Variants in BTBD9 observed in about 807,000 individuals in gnomAD.
The protein encoded by BTBD9 is BTB domain containing 9.
BTBD9 carries 49 observed loss-of-function variants against 64.3 expected under a neutral mutation model. That is an observed-to-expected ratio of 0.76 (90% CI 0.61 to 0.97). BTBD9 has a LOEUF of 0.97. Ranked by LOEUF, BTBD9 falls within the 50% of genes least tolerant of loss-of-function variation. The pLI is 0.00. For synonymous variants in BTBD9, 260 were observed against 274.7 expected, an observed-to-expected ratio of 0.95 and a Z score of 0.53; for missense variants, 598 against 762.1, an observed-to-expected ratio of 0.78 and a Z score of 2.53.
intron 6 of BTBD9, among the ~76,000 whole-genome samples, chr6:38,523,801 T>A (rs976788453): frequency 2.0e-4 from 31 of 152,214 alleles, no homozygotes; most frequent in Non-Finnish European, 3.2e-4. Context: ...TTATTATCTA[T>A]ATTTAACAGA....
intron 7 of BTBD9, among the ~76,000 whole-genome samples, chr6:38,301,794 G>A (rs992245914): frequency 1.3e-5 from 2 of 151,934 alleles, no homozygotes; most frequent in Non-Finnish European, 2.9e-5. Flanking sequence ...ATTTTGTTGA[G>A]CTTTTCAGAA....
chr6:38,626,693 T>C (rs999929834), intron 1 of BTBD9, among the ~76,000 whole-genome samples: 1 of 152,224 alleles, frequency 6.6e-6, no homozygotes, highest in Non-Finnish European at 1.5e-5. Flanking sequence ...AAGTTAGAAA[T>C]AGCGGGGCCT....
intron 6 of BTBD9, among the ~76,000 whole-genome samples, chr6:38,572,243 G>C (rs1481534663): frequency 6.6e-6 from 1 of 152,122 alleles, no homozygotes; most frequent in African/African-American, 2.4e-5. Context: ...ATCTTCTTCA[G>C]TGTTGTGGCC....
At chr6:38,259,299 G>T (rs887973267) in intron 8 of BTBD9, among the ~76,000 whole-genome samples, 12 of 152,116 alleles carry the variant, frequency 7.9e-5, no homozygotes, top group African/African-American at 2.4e-4. Context: ...ATTATAATCA[G>T]TGAAAATCCT....
intron 1 of BTBD9, among the ~76,000 whole-genome samples, chr6:38,603,386 T>G (rs1038928735): frequency 2.0e-5 from 3 of 152,236 alleles, no homozygotes; most frequent in Admixed American, 6.5e-5. Context: ...GGTTATTGCC[T>G]GCTTATTATT....
intron 8 of BTBD9, among the ~76,000 whole-genome samples, chr6:38,275,065 G>C (rs1468742839): frequency 6.6e-6 from 1 of 152,222 alleles, no homozygotes; most frequent in African/African-American, 2.4e-5. Flanking sequence ...AAAGAACAAA[G>C]TCGGAGGCAT....
intron 8 of BTBD9, among the ~76,000 whole-genome samples, chr6:38,258,282 G>C (rs944962072): frequency 6.6e-6 from 1 of 152,040 alleles, no homozygotes; most frequent in African/African-American, 2.4e-5. Context: ...CACTGCGGCC[G>C]GCCTAAAAAA....
chr6:38,492,319 G>A (rs1404215471), intron 6 of BTBD9, among the ~76,000 whole-genome samples: 1 of 152,158 alleles, frequency 6.6e-6, no homozygotes, highest in Non-Finnish European at 1.5e-5. Context: ...CCTAGCTTTA[G>A]CCCATGCTAT....
At chr6:38,554,550 C>T (rs1271844737) in intron 6 of BTBD9, among the ~76,000 whole-genome samples, 5 of 152,156 alleles carry the variant, frequency 3.3e-5, no homozygotes, top group Non-Finnish European at 5.9e-5. Flanking sequence ...ATTTACTTTT[C>T]AAGTTCCCAA....
intron 8 of BTBD9, among the ~76,000 whole-genome samples, chr6:38,277,900 T>C (rs1761340494): frequency 6.6e-6 from 1 of 151,984 alleles, no homozygotes; most frequent in Admixed American, 6.6e-5. Flanking sequence ...AAGCAGGAGG[T>C]AGTGTTCTGT....
At chr6:38,525,267 C>T (rs1280065253) in intron 6 of BTBD9, among the ~76,000 whole-genome samples, 1 of 152,194 alleles carries the variant, frequency 6.6e-6, no homozygotes, top group Non-Finnish European at 1.5e-5. Context: ...CTCGCTCTCT[C>T]TCCTGCAACC....
At chr6:38,556,766 C>T (rs1354318169) in intron 6 of BTBD9, among the ~76,000 whole-genome samples, 1 of 151,426 alleles carries the variant, frequency 6.6e-6, no homozygotes, top group Admixed American at 6.6e-5. Flanking sequence ...CCTGTAATCC[C>T]AGCACTTTAG....
At chr6:38,574,412 C>CTGTA (rs1775932289) in intron 6 of BTBD9, among the ~76,000 whole-genome samples, 2 of 152,046 alleles carry the variant, frequency 1.3e-5, no homozygotes, top group Non-Finnish European at 2.9e-5. Context: ...ATGTTTTGGA[C>CTGTA]TGTATGTATG....
intron 6 of BTBD9, among the ~76,000 whole-genome samples, chr6:38,513,626 T>C (rs1043529870): frequency 1.1e-4 from 16 of 152,022 alleles, no homozygotes; most frequent in African/African-American, 3.9e-4. Context: ...AGAAAAAGAT[T>C]AATATGAAGA....
chr6:38,622,229 C>T (rs912561618), intron 1 of BTBD9, among the ~76,000 whole-genome samples: 3 of 152,228 alleles, frequency 2.0e-5, no homozygotes, highest in Non-Finnish European at 2.9e-5. Context: ...AAGAATAGGG[C>T]ACTATCCCGG....
chr6:38,226,060 T>C (rs1763383564), intron 9 of BTBD9, among the ~76,000 whole-genome samples: 1 of 152,208 alleles, frequency 6.6e-6, no homozygotes, highest in African/African-American at 2.4e-5. Flanking sequence ...TGCTCCAAAG[T>C]ACTTAGCTCT....
At chr6:38,485,501 G>T (rs1328652463) in intron 6 of BTBD9, among the ~76,000 whole-genome samples, 1 of 152,204 alleles carries the variant, frequency 6.6e-6, no homozygotes, top group Non-Finnish European at 1.5e-5. Flanking sequence ...GTGTTAACAG[G>T]CATGAAAACA....
chr6:38,497,191 G>C (rs1202813767), intron 6 of BTBD9, among the ~76,000 whole-genome samples: 2 of 152,132 alleles, frequency 1.3e-5, no homozygotes, highest in Non-Finnish European at 2.9e-5. Context: ...ATTCTTTTAG[G>C]ATGCAGTCTG....
chr6:38,337,902 G>A (rs1763956202), intron 7 of BTBD9, among the ~76,000 whole-genome samples: 1 of 152,162 alleles, frequency 6.6e-6, no homozygotes, highest in African/African-American at 2.4e-5. Context: ...CTGAAATATA[G>A]GAGGAAGGAA....
Sources: allele counts gnomAD v4.1 joint callset (sites outside exome capture counted in the v4.1 genomes callset), GRCh38; gene constraint gnomAD v4.1.1; transcripts MANE v1.5; gene names NCBI Gene and HGNC (gene_info 2026-07-23, HGNC 2026-07-21).